The following TRAPPC6B variants were observed in gnomAD, a reference collection of about 807,000 sequenced individuals.
The protein encoded by TRAPPC6B is trafficking protein particle complex subunit 6B.
Under a neutral mutation model 24.7 loss-of-function variants are expected in TRAPPC6B, and 27 were observed. That is an observed-to-expected ratio of 1.09 (90% confidence interval 0.81 to 1.51). TRAPPC6B has a LOEUF of 1.51. Among genes scored for constraint, TRAPPC6B ranks in the 40% most tolerant of loss-of-function variants. The pLI is 0.00. For missense variants in TRAPPC6B, 212 were observed against 190.8 expected (o/e 1.11, Z -0.66); for synonymous variants, 80 against 66.6 (o/e 1.20, Z -0.98).
At chr14:39,153,698 T>C (rs1368098026) in intron 4 of TRAPPC6B, among the ~76,000 whole-genome samples, 3 of 147,538 alleles carry the variant, frequency 2.0e-5, no homozygotes, top group African/African-American at 5.3e-5. Context: ...GTGTTTCTTT[T>C]TTTTCTTTTT....
Position 39,150,336 on chromosome 14 carries a change from C to T in TRAPPC6B, c.*14G>A, listed in dbSNP as rs992936056. 1.7e-5 allele frequency: 27 copies of T among 1,579,648 alleles called. No homozygotes were observed. Among genetic ancestry groups the T allele is most frequent in the Non-Finnish European group, 2.1e-5 (24 of 1,168,860 alleles). On this transcript the variant is annotated 3_prime_UTR_variant, in exon 6 of 6. Transcript: ENST00000330149. Reference sequence around the variant, plus strand: ...ATCTCTTTACACTGTTGAAGCCTTGCATTTCAGTATGTTCTACAGCTTCTG... The same window carrying T: ...ATCTCTTTACACTGTTGAAGCCTTGTATTTCAGTATGTTCTACAGCTTCTG...
rs778302541 is a variant in TRAPPC6B, at chr14:39,158,375, C to T, written c.177G>A (p.Lys59=). The change falls in exon 3 of 6, where the codon AAG becomes AAA. Residue 59 remains lysine (K), a synonymous_variant. Transcript: ENST00000330149. ...ERFTKDTARF[K]DELDIMKFIC... ...TGAACTTCATGATATCTAACTCATC[C>T]TTGAACCTTGCAGTATCTTTTGTAA... is the stretch of plus-strand genomic sequence containing the variant. The T allele has an allele frequency of 6.3e-7, 1 of 1,599,320 alleles. No individual in the cohort carries two copies. The highest frequency in any genetic ancestry group is 1.8e-5 in the Admixed American group (1 of 55,584).
Position 39,148,932 on chromosome 14 carries a change from A to T in TRAPPC6B, c.*1418T>A. On this transcript the variant is annotated 3_prime_UTR_variant, in exon 6 of 6. Transcript: ENST00000330149. ...ACCTGTACAGCATATTATTGTAGTG[A>T]ATACTGTAGGACACTGTAACACAAT... 2.5e-6 allele frequency: 1 copy of T among 393,752 alleles called. No individual in the cohort carries two copies. The highest frequency in any genetic ancestry group is 4.5e-6 in the Non-Finnish European group (1 of 223,542). 24.4% of individuals were successfully genotyped at this position (393,752 alleles called of 1,614,324 possible).
chr14:39,160,981 G>A (rs1343388937), intron 1 of TRAPPC6B, among the ~76,000 whole-genome samples: 1 of 152,160 alleles, frequency 6.6e-6, no homozygotes, highest in East Asian at 1.9e-4. Context: ...GTCCAGTTAG[G>A]AGAAAACCAA....
At chr14:39,151,143 G>A (rs552381460) in intron 5 of TRAPPC6B, among the ~76,000 whole-genome samples, 2 of 152,120 alleles carry the variant, frequency 1.3e-5, no homozygotes, top group East Asian at 3.9e-4. Context: ...TGTAATCCCA[G>A]CACTTTGGGA....
chr14:39,160,923 T>C (rs1327533044), intron 1 of TRAPPC6B, among the ~76,000 whole-genome samples: 2 of 152,206 alleles, frequency 1.3e-5, no homozygotes, highest in African/African-American at 4.8e-5. Flanking sequence ...TGAGGACTTA[T>C]GCAAGGTGTA....
intron 3 of TRAPPC6B, chr14:39,156,774 G>A (rs1281204523): frequency 6.6e-6 from 1 of 152,262 alleles, no homozygotes; most frequent in African/African-American, 2.4e-5. Flanking sequence ...GGAAGGAGGT[G>A]GCTCTGGCCC....
intron 1 of TRAPPC6B, among the ~76,000 whole-genome samples, chr14:39,168,898 T>C (rs2053135955): frequency 6.6e-6 from 1 of 152,188 alleles, no homozygotes; most frequent in Admixed American, 6.5e-5. Flanking sequence ...AAAATGCAAA[T>C]GGTCCACATC....
chr14:39,163,951 A>C (rs575117666), intron 1 of TRAPPC6B, among the ~76,000 whole-genome samples: 1 of 150,840 alleles, frequency 6.6e-6, no homozygotes, highest in East Asian at 1.9e-4. Context: ...TCCAACCAGA[A>C]AACTTCCATT....
chr14:39,162,585 C>T (rs1416811067), intron 1 of TRAPPC6B, among the ~76,000 whole-genome samples: 1 of 152,196 alleles, frequency 6.6e-6, no homozygotes, highest in Non-Finnish European at 1.5e-5. Context: ...GTTATAAAAC[C>T]TGGTATCACC....
chr14:39,169,760 G>GC (rs1395370755), intron 1 of TRAPPC6B, among the ~76,000 whole-genome samples: 30 of 152,254 alleles, frequency 2.0e-4, no homozygotes, highest in African/African-American at 6.7e-4. Flanking sequence ...AAAATCTGTG[G>GC]CGTGCAAGAC....
chr14:39,167,111 C>T (rs2053117092), intron 1 of TRAPPC6B, among the ~76,000 whole-genome samples: 1 of 152,196 alleles, frequency 6.6e-6, no homozygotes, highest in South Asian at 2.1e-4. Context: ...TTAAGCCCTA[C>T]TACTTAATTT....
intron 5 of TRAPPC6B, among the ~76,000 whole-genome samples, 161 bp from the exon 6 acceptor site, chr14:39,150,542 T>G (rs2052899267): frequency 6.6e-6 from 1 of 152,170 alleles, no homozygotes; most frequent in African/African-American, 2.4e-5. Flanking sequence ...TCAATTCTAT[T>G]TTTTCTTTTT....
chr14:39,169,961 G>T, intron 1 of TRAPPC6B, 54 bp downstream of exon 1: 1 of 1,574,772 alleles, frequency 6.4e-7, no homozygotes, highest in South Asian at 1.1e-5. Context: ...AGCACTGAGG[G>T]GAAACAAGGT....
intron 4 of TRAPPC6B, among the ~76,000 whole-genome samples, chr14:39,152,451 A>C (rs2052926339): frequency 6.6e-6 from 1 of 152,186 alleles, no homozygotes; most frequent in Admixed American, 6.5e-5. Flanking sequence ...TACAAAACCA[A>C]AAGTCATGAC....
intron 1 of TRAPPC6B, among the ~76,000 whole-genome samples, chr14:39,166,997 T>C (rs146889047): frequency 2.6e-5 from 4 of 152,206 alleles, no homozygotes; most frequent in Admixed American, 1.3e-4. Flanking sequence ...CCTGTCTTGA[T>C]AGATCAGCTC....
rs536100250 is a variant in TRAPPC6B, at chr14:39,148,600, T to C, written c.*1750A>G. 3 of 398,430 alleles carry C rather than the reference T, an allele frequency of 7.5e-6. No homozygotes were observed. Among genetic ancestry groups the C allele is most frequent in the Middle Eastern group, 6.3e-4 (1 of 1,584 alleles). The allele number at this position is 398,430 out of a possible 1,614,324, so 24.7% of individuals were successfully genotyped here. A position where few individuals can be genotyped will look rare whatever the true frequency, so the allele number is the denominator to read the frequency against. On this transcript the variant is annotated 3_prime_UTR_variant, in exon 6 of 6. Transcript: ENST00000330149. ...ACCTGTTTTATTTTGAAGTTCTCTA[T>C]TGTGTTCTATTTTGATCTACTTCTG...
intron 3 of TRAPPC6B, among the ~76,000 whole-genome samples, chr14:39,155,915 T>TG (rs2052972482): frequency 6.6e-6 from 1 of 152,098 alleles, no homozygotes; most frequent in Non-Finnish European, 1.5e-5. Context: ...ACTCCTCCCA[T>TG]GTAGCTGAAA....
At chr14:39,160,868 A>G (rs543328128) in intron 1 of TRAPPC6B, among the ~76,000 whole-genome samples, 78 of 152,324 alleles carry the variant, frequency 5.1e-4, no homozygotes, top group African/African-American at 1.8e-3. Context: ...TCCCACAGTT[A>G]GCATCTGCAT....
Sources: allele counts gnomAD v4.1 joint callset (sites outside exome capture counted in the v4.1 genomes callset), GRCh38; gene constraint gnomAD v4.1.1; transcripts MANE v1.5; gene names NCBI Gene and HGNC (gene_info 2026-07-23, HGNC 2026-07-21).